The following ANK2 variants were observed in gnomAD, a reference collection of about 807,000 sequenced individuals.
ANK2 encodes ankyrin-2.
Under a neutral mutation model 360.5 loss-of-function variants are expected in ANK2, and 83 were observed. The observed-to-expected ratio is 0.23, with a 90% CI of 0.19 to 0.28. The LOEUF (loss-of-function observed/expected upper bound fraction) is 0.28. Among genes scored for constraint, ANK2 ranks in the 10% least tolerant of loss-of-function variants. The pLI, the probability that ANK2 is intolerant of heterozygous loss-of-function variation, is 1.00. For missense variants in ANK2, 4,201 were observed against 4,795.7 expected, an observed-to-expected ratio of 0.88 and a Z score of 3.66; for synonymous variants, 1,740 against 1,759.5, an observed-to-expected ratio of 0.99 and a Z score of 0.28.
At chr4:112,737,098 CCTCT>C in the ANK2 span, among the ~76,000 whole-genome samples, 1 of 152,136 alleles carries the variant, frequency 6.6e-6, no homozygotes, top group Admixed American at 6.5e-5. Flanking sequence ...CTGGTTACTT[CCTCT>C]CTAACTATCA....
chr4:112,945,607 C>CA (rs1218312230), intron 2 of ANK2, among the ~76,000 whole-genome samples: 1 of 152,034 alleles, frequency 6.6e-6, no homozygotes, highest in African/African-American at 2.4e-5. Context: ...ATAATCCCTG[C>CA]AAAAAAGGCT....
At chr4:113,082,463 A>G (rs1038679003) in intron 1 of ANK2, among the ~76,000 whole-genome samples, 1 of 152,154 alleles carries the variant, frequency 6.6e-6, no homozygotes, top group Admixed American at 6.5e-5. Context: ...ATTTGTATAG[A>G]ATCATATTTT....
Position 113,346,010 on chromosome 4 carries a change from G to A in ANK2, c.4359G>A (p.Pro1453=), listed in dbSNP as rs183590716. ...QAICNLNITL[P]IYTKESESDQ... ...TTTGCAACTTAAACATCACTTTGCC[G>A]ATTTATACAAAGGTATCGTAAAATC... Residue 1453 remains proline, a synonymous_variant, in exon 35 of 46, where the codon CCG becomes CCA. Transcript: ENST00000357077. 20 of 1,613,318 alleles carry A rather than the reference G, an allele frequency of 1.2e-5. 1 individual carries two copies. The highest frequency in any genetic ancestry group is 4.4e-5 in the South Asian group (4 of 91,058).
At chr4:113,027,156 A>G (rs2059448880) in intron 2 of ANK2, among the ~76,000 whole-genome samples, 1 of 152,032 alleles carries the variant, frequency 6.6e-6, no homozygotes, top group South Asian at 2.1e-4. Flanking sequence ...TCTCCTTTTG[A>G]CTTGCTTATC....
chr4:112,892,937 A>G (rs983627584), intron 1 of ANK2, among the ~76,000 whole-genome samples: 6 of 152,116 alleles, frequency 3.9e-5, no homozygotes, highest in African/African-American at 1.4e-4. Context: ...GTAAATCTTC[A>G]TTCATTTGCA....
chr4:113,090,957 TAAAC>T (rs781731751), intron 1 of ANK2, among the ~76,000 whole-genome samples: 2 of 152,182 alleles, frequency 1.3e-5, no homozygotes, highest in Non-Finnish European at 2.9e-5. Context: ...TGACGTTTGA[TAAAC>T]AAACACAATT....
intron 39 of ANK2, among the ~76,000 whole-genome samples, chr4:113,362,564 C>T (rs762149075): frequency 6.6e-6 from 1 of 152,158 alleles, no homozygotes; most frequent in Non-Finnish European, 1.5e-5. Context: ...CCTGCCCCAG[C>T]CTCCTGAGTA....
chr4:112,904,302 G>A (rs1393702975), intron 1 of ANK2, among the ~76,000 whole-genome samples: 1 of 151,796 alleles, frequency 6.6e-6, no homozygotes, highest in Non-Finnish European at 1.5e-5. Flanking sequence ...TTTTTGCTTT[G>A]CTCTTTTGCA....
At chr4:112,749,154 C>T in the ANK2 span, among the ~76,000 whole-genome samples, 1 of 152,216 alleles carries the variant, frequency 6.6e-6, no homozygotes, top group Admixed American at 6.5e-5. Context: ...CCCGCCTCGG[C>T]CTCCCACAGT....
At chr4:112,788,353 C>T in the ANK2 span, 45 of 1,546,404 alleles carry the variant, frequency 2.9e-5, no homozygotes, top group Middle Eastern at 1.1e-3. Context: ...AAGGGACCAC[C>T]ATTTTACGAC....
At chr4:113,229,045 G>A (rs1016050320) in intron 4 of ANK2, among the ~76,000 whole-genome samples, 8 of 152,158 alleles carry the variant, frequency 5.3e-5, no homozygotes, top group African/African-American at 1.7e-4. Context: ...ATGGAAGGGT[G>A]TGGACACACC....
chr4:112,708,104 C>T, the ANK2 span, among the ~76,000 whole-genome samples: 1 of 152,300 alleles, frequency 6.6e-6, no homozygotes, highest in East Asian at 1.9e-4. Context: ...GCAGAATCAC[C>T]ATTTGCCTGA....
intron 1 of ANK2, among the ~76,000 whole-genome samples, chr4:113,089,358 A>G (rs2086552792): frequency 6.6e-6 from 1 of 152,230 alleles, no homozygotes; most frequent in Non-Finnish European, 1.5e-5. Flanking sequence ...TGTCTCTAAA[A>G]TGTGCCTCCT....
At chr4:113,166,320 T>G (rs2097755612) in intron 1 of ANK2, among the ~76,000 whole-genome samples, 1 of 152,114 alleles carries the variant, frequency 6.6e-6, no homozygotes, top group South Asian at 2.1e-4. Context: ...CACAACAAAG[T>G]TATCTTTTAA....
In ANK2 at chr4:113,367,695, A is replaced by C. The variant is rs1223257116; in HGVS notation, c.11162A>C (p.Tyr3721Ser). The change falls in exon 42 of 46, where the codon TAT (tyrosine) becomes TCT (serine). Residue 3721 changes from tyrosine (Y) to serine (S), a missense_variant. This residue lies in a region of ANK2 where 2,642 missense variants were observed against 2,714.5 expected (regional missense o/e 0.97). Transcript: ENST00000357077. ...IVSEEDISVG[Y>S]STFQDGVPKT... Reference sequence around the variant, plus strand: ...TCAGAGGAAGACATTTCTGTTGGTTATTCCACTTTTCAGGATGGCGTCCCC... The same window carrying C: ...TCAGAGGAAGACATTTCTGTTGGTTCTTCCACTTTTCAGGATGGCGTCCCC... 1 of 1,614,018 alleles carries C rather than the reference A, an allele frequency of 6.2e-7. No homozygotes were observed. The highest frequency in any genetic ancestry group is 1.1e-5 in the South Asian group (1 of 91,078).
intron 2 of ANK2, among the ~76,000 whole-genome samples, chr4:113,005,912 G>A (rs560200572): frequency 1.1e-4 from 16 of 152,152 alleles, no homozygotes; most frequent in East Asian, 5.8e-4. Context: ...TCCCTCTTTC[G>A]CTACATGACA....
intron 1 of ANK2, among the ~76,000 whole-genome samples, chr4:112,821,290 C>T (rs986595293): frequency 5.3e-5 from 8 of 152,024 alleles, no homozygotes; most frequent in African/African-American, 1.9e-4. Context: ...CTCAAATGAT[C>T]CTACTGTGTT....
At chr4:112,826,479 T>G in intron 1 of ANK2, 1 of 1,128,628 alleles carries the variant, frequency 8.9e-7, no homozygotes, top group Non-Finnish European at 1.3e-6. Flanking sequence ...TGTGAAACCT[T>G]TTGTTACATC....
In ANK2 at chr4:113,068,540, C is replaced by T. The variant is rs942605400; in HGVS notation, c.84+18728C>T. Among the ~76,000 whole-genome samples, 63 of 152,000 alleles carry T rather than the reference C, an allele frequency of 4.1e-4. 3 individuals carry two copies. Among genetic ancestry groups the T allele is most frequent in the Admixed American group, 6.6e-5 (1 of 15,256 alleles). ...AATACTTGATTAGAAAATTGTACAG[C>T]GAAGCACTTAAATGTAATTTTTAGA... On this transcript the variant is annotated intron_variant, in intron 1 of 45. Transcript: ENST00000357077.
Sources: gnomAD v4.1 joint callset for allele counts (sites outside exome capture counted in the v4.1 genomes callset) on GRCh38, gnomAD v4.1.1 for gene constraint, gnomAD v4.1.1 regional missense constraint, MANE v1.5 for transcripts, NCBI Gene and HGNC (gene_info 2026-07-23, HGNC 2026-07-21) for gene names.